The following SETD3 variants were observed in gnomAD, a reference collection of about 807,000 sequenced individuals.
The protein encoded by SETD3 is actin-histidine N-methyltransferase.
In SETD3, 19 loss-of-function variants were observed where a neutral mutation model predicts 63.0. The ratio of observed to expected loss-of-function variants is 0.30; its 90% CI spans 0.21 to 0.44. The LOEUF is 0.44. Among genes scored for constraint, SETD3 ranks in the 20% least tolerant of loss-of-function variants. SETD3 has a pLI of 1.00. For missense variants in SETD3, 587 were observed against 728.5 expected, an observed-to-expected ratio of 0.81 and a Z score of 2.24; for synonymous variants, 286 against 264.1, an observed-to-expected ratio of 1.08 and a Z score of -0.80.
chr14:99,412,254 G>A (rs1345586040), intron 8 of SETD3: 1 of 152,706 alleles, frequency 6.5e-6, no homozygotes, highest in Non-Finnish European at 1.5e-5. Context: ...GAAGAATGTG[G>A]AGAAACAGAG....
chr14:99,423,182 C>A (rs1353574557), intron 6 of SETD3, among the ~76,000 whole-genome samples: 1 of 152,144 alleles, frequency 6.6e-6, no homozygotes. Flanking sequence ...AACAAAACTT[C>A]TTTGTTTATA....
chr14:99,479,422 A>C (rs150935972), intron 1 of SETD3, among the ~76,000 whole-genome samples: 1 of 152,246 alleles, frequency 6.6e-6, no homozygotes, highest in Non-Finnish European at 1.5e-5. Flanking sequence ...AACACAGTAC[A>C]TACAGCAAGG....
intron 6 of SETD3, among the ~76,000 whole-genome samples, chr14:99,430,124 G>C (rs531762181): frequency 6.6e-6 from 1 of 152,186 alleles, no homozygotes; most frequent in Admixed American, 6.5e-5. Flanking sequence ...ATGCTCACTC[G>C]AGTTGAATCC....
chr14:99,451,785 G>A (rs1391201935), intron 6 of SETD3, among the ~76,000 whole-genome samples: 1 of 152,014 alleles, frequency 6.6e-6, no homozygotes, highest in Non-Finnish European at 1.5e-5. Flanking sequence ...GGGATTACAG[G>A]CATGAGCCAC....
At chr14:99,431,584 C>G (rs990758083) in intron 6 of SETD3, among the ~76,000 whole-genome samples, 1 of 151,970 alleles carries the variant, frequency 6.6e-6, no homozygotes, top group East Asian at 1.9e-4. Flanking sequence ...CTCCACTTCC[C>G]GGGTTCAAGC....
rs867052015 is a variant in SETD3 at position 99,472,757 on chromosome 14, A to G, written c.-8-6944T>C. ...TGCTAACTCAAAAATTTTTTTCCAC[A>G]AAGTTTAGACTGAAATCAGGTATAA... is the stretch of plus-strand genomic sequence containing the variant. On this transcript the variant is annotated intron_variant, in intron 1 of 12. Transcript: ENST00000331768. Among the ~76,000 whole-genome samples, 30 of 152,356 alleles carry G rather than the reference A, an allele frequency of 2.0e-4. No individual in the cohort carries two copies. The Middle Eastern group carries it at 0.01, about 52-fold the overall frequency.
chr14:99,420,047 A>T lies in SETD3; in HGVS notation c.676-6113T>A, dbSNP rs146466351. On this transcript the variant is annotated intron_variant, in intron 6 of 12. Coordinates refer to ENST00000331768, the MANE Select transcript of SETD3 (RefSeq NM_032233.3). ...TAGGGGGTACTGCCTAGCAGTGAAG[A>T]CAGATAAGTGACCAAAAAACCACAA... is the stretch of plus-strand genomic sequence containing the variant. 1.4e-3 allele frequency among the ~76,000 whole-genome samples: 215 copies of T among 152,324 alleles called. 1 individual carries two copies. The highest frequency in any genetic ancestry group is 6.2e-3 in the East Asian group (32 of 5,176).
upstream of SETD3, among the ~76,000 whole-genome samples, chr14:99,483,507 G>C (rs1896407597): frequency 6.6e-6 from 1 of 152,242 alleles, no homozygotes; most frequent in South Asian, 2.1e-4. Flanking sequence ...CCGTGATCGG[G>C]TGACTGCGCT....
At chr14:99,472,632 A>C (rs1211955795) in intron 1 of SETD3, among the ~76,000 whole-genome samples, 1 of 152,230 alleles carries the variant, frequency 6.6e-6, no homozygotes, top group Non-Finnish European at 1.5e-5. Context: ...AATTATTTCC[A>C]ATATTTATAT....
chr14:99,454,741 G>A (rs1894660177), intron 6 of SETD3, among the ~76,000 whole-genome samples: 1 of 126,434 alleles, frequency 7.9e-6, no homozygotes. Flanking sequence ...AAGGCGCGGA[G>A]ACCGGCCCAA....
chr14:99,399,993 G>C, intron 12 of SETD3, 106 bp downstream of exon 12: 1 of 1,023,524 alleles, frequency 9.8e-7, no homozygotes, highest in Middle Eastern at 2.5e-4. Flanking sequence ...GCCCCGCCTC[G>C]ACCTCCCAAA....
chr14:99,419,361 A>C (rs1448897505), intron 6 of SETD3, among the ~76,000 whole-genome samples: 2 of 152,236 alleles, frequency 1.3e-5, no homozygotes, highest in South Asian at 2.1e-4. Flanking sequence ...TTGTTCAATA[A>C]ATTTATAAAA....
At chr14:99,468,660 C>CTT (rs1895530748) in intron 1 of SETD3, among the ~76,000 whole-genome samples, 1 of 152,150 alleles carries the variant, frequency 6.6e-6, no homozygotes, top group Admixed American at 6.5e-5. Flanking sequence ...CACCCCTTGA[C>CTT]TGTAATATTT....
chr14:99,412,796 G>A lies in SETD3; in HGVS notation c.849+155C>T, dbSNP rs1595158551. On this transcript the variant is annotated intron_variant, in intron 8 of 12. Coordinates refer to ENST00000331768, the MANE Select transcript of SETD3 (RefSeq NM_032233.3). Reference sequence around the variant, plus strand: ...GAAAAATACCAGCTTCTATCTGTGGGCGGTGGGGAGGAGTGGCCGGTTCGG... The same window carrying A: ...GAAAAATACCAGCTTCTATCTGTGGACGGTGGGGAGGAGTGGCCGGTTCGG... 14 of 596,036 alleles carry A rather than the reference G, an allele frequency of 2.3e-5. No individual in the cohort carries two copies. In the South Asian group the frequency reaches 2.8e-4, roughly 12 times the overall value. The allele number at this position is 596,036 out of a possible 1,614,324, so 36.9% of individuals were successfully genotyped here. A position where few individuals can be genotyped will look rare whatever the true frequency, so the allele number is the denominator to read the frequency against.
rs539123086 is a variant in SETD3 at position 99,475,676 on chromosome 14, T to TA, written c.-9+5051dup. Among the ~76,000 whole-genome samples, 292 of 152,112 alleles carry TA rather than the reference T, an allele frequency of 1.9e-3. 4 individuals are homozygous for TA. The highest frequency in any genetic ancestry group is 6.4e-3 in the African/African-American group (266 of 41,496). On this transcript the variant is annotated intron_variant, in intron 1 of 12. Coordinates refer to ENST00000331768, the MANE Select transcript of SETD3 (RefSeq NM_032233.3). ...ATACTTCAATGAACTGTTTTTTTTT[T>TA]AAGTCAACAAAACCCTTCAGATGTG... is the stretch of plus-strand genomic sequence containing the variant.
intron 11 of SETD3, among the ~76,000 whole-genome samples, chr14:99,401,811 A>G (rs973767406): frequency 6.6e-6 from 1 of 152,060 alleles, no homozygotes; most frequent in African/African-American, 2.4e-5. Context: ...TCCTTCCTCA[A>G]TCTGCCCAAG....
At chr14:99,452,852 G>T (rs8015372) in intron 6 of SETD3, among the ~76,000 whole-genome samples, 6,556 of 152,270 alleles carry the variant, frequency 0.043, 474 homozygotes, top group African/African-American at 0.15. Flanking sequence ...GATCGCGGGG[G>T]GAGAAAACAA....
chr14:99,429,382 A>C (rs1183365821), intron 6 of SETD3, among the ~76,000 whole-genome samples: 1 of 152,226 alleles, frequency 6.6e-6, no homozygotes, highest in African/African-American at 2.4e-5. Flanking sequence ...CTGGACAAGA[A>C]AAGAAAAGTG....
rs1299953199 is a variant in SETD3 at position 99,458,548 on chromosome 14, A to G, written c.419-13T>C. 2 of 1,605,892 alleles carry G rather than the reference A, an allele frequency of 1.2e-6. No homozygotes were observed. The highest frequency in any genetic ancestry group is 8.5e-7 in the Non-Finnish European group (1 of 1,175,956). On this transcript the variant is annotated splice_polypyrimidine_tract_variant and intron_variant, in intron 5 of 12. Transcript: ENST00000331768. ...GAATATAAGGGCCCTGAATTAACCC[A>G]GAAGTTAACAGCGTAAGTTCCACAA...
Sources: allele counts gnomAD v4.1 joint callset (sites outside exome capture counted in the v4.1 genomes callset), GRCh38; gene constraint gnomAD v4.1.1; transcripts MANE v1.5; gene names NCBI Gene and HGNC (gene_info 2026-07-23, HGNC 2026-07-21).